The following NELFA variants were observed in gnomAD, a reference collection of about 807,000 sequenced individuals.
The protein encoded by NELFA is negative elongation factor complex member A.
Under a neutral mutation model 51.8 loss-of-function variants are expected in NELFA, and 35 were observed. The observed-to-expected ratio is 0.68, with a 90% CI of 0.52 to 0.90. The LOEUF (loss-of-function observed/expected upper bound fraction) is 0.90, where lower values mean the gene tolerates loss of function less well. NELFA is among the 40% of genes least tolerant of loss of function. The pLI, the probability that NELFA is intolerant of heterozygous loss-of-function variation, is 0.00. For missense variants in NELFA, 658 were observed against 746.4 expected, an observed-to-expected ratio of 0.88 and a Z score of 1.38; for synonymous variants, 417 against 338.4, an observed-to-expected ratio of 1.23 and a Z score of -2.55.
Position 1,983,838 on chromosome 4 carries a change from G to A in NELFA, c.1302+10C>T, listed in dbSNP as rs1284109195. The A allele has an allele frequency of 9.5e-6, 15 of 1,573,176 alleles. No homozygotes were observed. Among genetic ancestry groups the A allele is most frequent in the Non-Finnish European group, 1.3e-5 (15 of 1,159,058 alleles). The stretch of plus-strand genomic sequence containing the variant: ...CTGGTGGCCTGTGGGCCCTACCAGT[G>A]TACACCTACCGTGAGGGACAGGTTC... On this transcript the variant is annotated intron_variant, in intron 9 of 10. Coordinates refer to ENST00000382882, the MANE Select transcript of NELFA (RefSeq NM_005663.5).
At chr4:1,997,476 T>C (rs1474275686) in intron 1 of NELFA, among the ~76,000 whole-genome samples, 1 of 152,178 alleles carries the variant, frequency 6.6e-6, no homozygotes, top group Admixed American at 6.5e-5. Context: ...GAATGCAAGG[T>C]TGGTTTATAA....
intron 1 of NELFA, among the ~76,000 whole-genome samples, chr4:1,999,657 TACA>T (rs1189954969): frequency 1.3e-5 from 2 of 152,128 alleles, no homozygotes; most frequent in Non-Finnish European, 2.9e-5. Flanking sequence ...CCTACAGACC[TACA>T]ACGAGACTTA....
intron 1 of NELFA, among the ~76,000 whole-genome samples, chr4:2,007,398 A>C (rs1728736587): frequency 6.6e-6 from 1 of 152,236 alleles, no homozygotes; most frequent in Non-Finnish European, 1.5e-5. Flanking sequence ...CTGTGGCAGA[A>C]TGGATAAAGT....
intron 8 of NELFA, 96 bp from the exon 9 acceptor site, chr4:1,984,209 T>C (rs1343697597): frequency 1.5e-6 from 2 of 1,364,636 alleles, no homozygotes; most frequent in Non-Finnish European, 1.9e-6. Context: ...TCCCCTTCTC[T>C]GTCCTGCTAC....
chr4:1,984,736 G>C, intron 8 of NELFA, 72 bp downstream of exon 8: 1 of 1,104,626 alleles, frequency 9.1e-7, no homozygotes, highest in Non-Finnish European at 1.3e-6. Context: ...CGCAGCCCTG[G>C]CAGCGCCCGT....
intron 4 of NELFA, 37 bp downstream of exon 4, chr4:1,987,881 A>T: frequency 6.4e-7 from 1 of 1,551,870 alleles, no homozygotes; most frequent in Non-Finnish European, 8.8e-7. Flanking sequence ...GCTCTGCCCC[A>T]AAAGCAAGGC....
At chr4:1,984,263 C>T in intron 8 of NELFA, 150 bp from the exon 9 acceptor site, 2 of 945,404 alleles carry the variant, frequency 2.1e-6, no homozygotes, top group Non-Finnish European at 3.0e-6. Context: ...AGGCACAGGC[C>T]CCAGAAGCCC....
At chr4:1,987,264 TCAGCACAGGACGA>T (rs1303995059) in intron 4 of NELFA, among the ~76,000 whole-genome samples, 1 of 152,188 alleles carries the variant, frequency 6.6e-6, no homozygotes, top group African/African-American at 2.4e-5. Flanking sequence ...CCCAGCTGTC[TCAGCACAGGACGA>T]CACCCGTCCT....
rs369610622 is a variant in NELFA at position 1,983,286 on chromosome 4, C to G, written c.*33G>C. On this transcript the variant is annotated 3_prime_UTR_variant, in exon 11 of 11. Transcript: ENST00000382882. ...GCAAAGCCATCGTCCCGTGGACCCC[C>G]ACAAGTGACGGCCAGCTGTGAGGCA... 6.3e-7 allele frequency: 1 copy of G among 1,594,474 alleles called. No homozygotes were observed. Among genetic ancestry groups the G allele is most frequent in the Non-Finnish European group, 8.6e-7 (1 of 1,166,286 alleles).
Position 1,985,868 on chromosome 4 carries a change from T to G in NELFA, c.836-4A>C. The G allele has an allele frequency of 6.2e-7, 1 of 1,611,672 alleles. No homozygotes were observed. The highest frequency in any genetic ancestry group is 1.3e-5 in the African/African-American group (1 of 74,952). ...GGCTTCTCCACCACCTCCGCATCTG[T>G]GGACAAAACAGGAGTCCTCGCCAGT... On this transcript the variant is annotated splice_region_variant and splice_polypyrimidine_tract_variant and intron_variant, in intron 6 of 10. Transcript: ENST00000382882.
rs868024863 is a variant in NELFA, at chr4:1,984,820, C to A, written c.1024G>T (p.Glu342Ter). 1 of 1,563,536 alleles carries A rather than the reference C, an allele frequency of 6.4e-7. No homozygotes were observed. The highest frequency in any genetic ancestry group is 1.4e-5 in the African/African-American group (1 of 74,070). The change falls in exon 8 of 11, where the codon GAG becomes TAG. Residue 342 changes from glutamate (E) to a stop codon, truncating the protein, a stop_gained. Transcript: ENST00000382882. LOFTEE classifies it high-confidence loss of function. ...CCAGCAGACTCACCTGGGGGCGTCT[C>A]GGAGCTGGGGATGTAGGAGGAGGCG... is the stretch of plus-strand genomic sequence containing the variant. Reference protein sequence around the residue: ...VPASSYIPSSETPPAPSSREA... With the variant: ...VPASSYIPSS
At chr4:1,998,670 T>G (rs1173021287) in intron 1 of NELFA, among the ~76,000 whole-genome samples, 2 of 152,130 alleles carry the variant, frequency 1.3e-5, no homozygotes, top group African/African-American at 4.8e-5. Flanking sequence ...CCAAACCTAC[T>G]ACTGACTGGA....
Position 1,992,058 on chromosome 4 carries a change from C to T in NELFA, c.211-343G>A, listed in dbSNP as rs534410307. The T allele has an allele frequency of 4.6e-4, 109 of 238,304 alleles. 1 individual carries two copies. The Admixed American group carries it at 5.6e-3, about 12-fold the overall frequency. The allele number at this position is 238,304 out of a possible 1,614,324, so 14.8% of individuals were successfully genotyped here. A position where few individuals can be genotyped will look rare whatever the true frequency, so the allele number is the denominator to read the frequency against. On this transcript the variant is annotated intron_variant, in intron 1 of 10. Transcript: ENST00000382882. ...GTGAGAAGCCGGGGCCACCACTGCTCCCGCAGAAAGCCTGCGGGTGGGAAA... is the reference window on the plus strand; with the variant it reads ...GTGAGAAGCCGGGGCCACCACTGCTTCCGCAGAAAGCCTGCGGGTGGGAAA...
chr4:1,990,210 C>A (rs1178023603), intron 2 of NELFA, among the ~76,000 whole-genome samples: 1 of 152,068 alleles, frequency 6.6e-6, no homozygotes, highest in African/African-American at 2.4e-5. Context: ...ACAGATCCCA[C>A]CCCCACGTAA....
At chr4:1,992,137 G>A (rs2109060188) in intron 1 of NELFA, 1 of 220,088 alleles carries the variant, frequency 4.5e-6, no homozygotes, top group East Asian at 1.7e-4. Flanking sequence ...CAGAGCGCAG[G>A]AGCAGGGTGG....
At chr4:1,998,412 C>T (rs543746068) in intron 1 of NELFA, among the ~76,000 whole-genome samples, 2 of 152,072 alleles carry the variant, frequency 1.3e-5, no homozygotes, top group East Asian at 3.9e-4. Flanking sequence ...GATAAAAGGT[C>T]AGAGGAATTG....
chr4:1,983,783 AG>A, intron 9 of NELFA, 64 bp downstream of exon 9: 1 of 1,591,898 alleles, frequency 6.3e-7, no homozygotes, highest in Non-Finnish European at 8.6e-7. Flanking sequence ...CCCCCACGCT[AG>A]GGGAGGTGGC....
rs200363469 is a variant in NELFA, at chr4:2,008,737, A to T, written c.210+13T>A. ...GGGAATCTGGGGGCCGCGGGGCGCC[A>T]CGCCTGCCTTACCTCGTCCACCGTG... is the stretch of plus-strand genomic sequence containing the variant. On this transcript the variant is annotated intron_variant, in intron 1 of 10. Transcript: ENST00000382882. 1 of 1,594,824 alleles carries T rather than the reference A, an allele frequency of 6.3e-7. No homozygotes were observed.
intron 4 of NELFA, 28 bp from the exon 5 acceptor site, chr4:1,986,430 A>G (rs1249796014): frequency 1.2e-5 from 19 of 1,611,640 alleles, no homozygotes; most frequent in Non-Finnish European, 1.5e-5. Flanking sequence ...TCAGGGCGCC[A>G]GCAGCAGTGA....
Sources: gnomAD v4.1 joint callset for allele counts (sites outside exome capture counted in the v4.1 genomes callset) on GRCh38, gnomAD v4.1.1 for gene constraint, MANE v1.5 for transcripts, NCBI Gene and HGNC (gene_info 2026-07-23, HGNC 2026-07-21) for gene names.